The following ROBO2 variants were observed in gnomAD, a reference collection of about 807,000 sequenced individuals.
ROBO2 encodes roundabout guidance receptor 2, also known as roundabout homolog 2.
In ROBO2, 53 loss-of-function variants were observed where a neutral mutation model predicts 160.8. The observed-to-expected ratio is 0.33, with a 90% CI of 0.26 to 0.41. The LOEUF (loss-of-function observed/expected upper bound fraction) is 0.41, where lower values mean the gene tolerates loss of function less well. Among genes scored for constraint, ROBO2 ranks in the 10% least tolerant of loss-of-function variants. The pLI, the probability that ROBO2 is intolerant of heterozygous loss-of-function variation, is 1.00. For synonymous variants in ROBO2, 664 were observed against 611.7 expected (o/e 1.09, Z -1.26); for missense variants, 1,577 against 1,722.4 (o/e 0.92, Z 1.49).
intron 2 of ROBO2, among the ~76,000 whole-genome samples, chr3:76,680,590 C>T (rs1455994638): frequency 1.3e-5 from 2 of 151,960 alleles, no homozygotes; most frequent in Non-Finnish European, 2.9e-5. Flanking sequence ...CCTAGCTTCT[C>T]CTTTCCATAT....
At chr3:76,883,846 A>C (rs2073612786) in intron 2 of ROBO2, among the ~76,000 whole-genome samples, 1 of 152,192 alleles carries the variant, frequency 6.6e-6, no homozygotes, top group Non-Finnish European at 1.5e-5. Flanking sequence ...AGTTTTGCTT[A>C]AGAGAGTCTT....
intron 2 of ROBO2, among the ~76,000 whole-genome samples, chr3:77,378,721 C>A (rs1303013300): frequency 6.6e-6 from 1 of 152,058 alleles, no homozygotes; most frequent in Non-Finnish European, 1.5e-5. Flanking sequence ...GGTGAATTTT[C>A]TCTTGTGCCG....
intron 2 of ROBO2, among the ~76,000 whole-genome samples, chr3:76,292,175 C>T (rs1170973710): frequency 1.3e-5 from 2 of 152,128 alleles, no homozygotes; most frequent in East Asian, 3.9e-4. Flanking sequence ...CTGTCCACAG[C>T]TCTCTGCAAA....
intron 2 of ROBO2, among the ~76,000 whole-genome samples, chr3:76,898,183 C>T (rs1216183860): frequency 1.3e-5 from 2 of 152,010 alleles, no homozygotes; most frequent in African/African-American, 2.4e-5. Flanking sequence ...ATGGAAAGAC[C>T]ATAGGATAAA....
intron 1 of ROBO2, among the ~76,000 whole-genome samples, chr3:77,074,757 A>G (rs2067780285): frequency 6.6e-6 from 1 of 152,172 alleles, no homozygotes; most frequent in Non-Finnish European, 1.5e-5. Flanking sequence ...TGAATGAATG[A>G]ATGAATGAAA....
At chr3:76,103,901 A>C (rs1341121320) in intron 2 of ROBO2, among the ~76,000 whole-genome samples, 1 of 152,132 alleles carries the variant, frequency 6.6e-6, no homozygotes, top group Non-Finnish European at 1.5e-5. Context: ...GATTTCCAGG[A>C]CATACGAGCC....
At chr3:77,637,675 AT>A (rs1266210170) in intron 24 of ROBO2, among the ~76,000 whole-genome samples, 1 of 152,068 alleles carries the variant, frequency 6.6e-6, no homozygotes, top group Non-Finnish European at 1.5e-5. Flanking sequence ...AATTTTGTAT[AT>A]TTTTTCTGTT....
chr3:77,468,022 A>G (rs749889343), intron 2 of ROBO2, among the ~76,000 whole-genome samples: 13 of 152,156 alleles, frequency 8.5e-5, no homozygotes, highest in African/African-American at 1.7e-4. Flanking sequence ...CTCACATGCT[A>G]TGTTTGGACA....
intron 2 of ROBO2, among the ~76,000 whole-genome samples, chr3:76,048,625 A>G (rs2067532916): frequency 1.3e-5 from 2 of 152,158 alleles, no homozygotes; most frequent in South Asian, 4.1e-4. Context: ...AAAAAACAAT[A>G]TGGAATTATA....
intron 2 of ROBO2, among the ~76,000 whole-genome samples, chr3:76,858,140 C>T (rs1326294818): frequency 6.6e-6 from 1 of 151,674 alleles, no homozygotes; most frequent in African/African-American, 2.4e-5. Flanking sequence ...CGCTAGTACA[C>T]TCCCAGCATA....
chr3:77,273,548 T>C (rs952483220), intron 2 of ROBO2, among the ~76,000 whole-genome samples: 6 of 152,050 alleles, frequency 3.9e-5, no homozygotes, highest in African/African-American at 1.5e-4. Flanking sequence ...TTATAGCAAG[T>C]CATACAATTT....
intron 2 of ROBO2, among the ~76,000 whole-genome samples, chr3:76,987,345 G>A (rs144566202): frequency 6.6e-6 from 1 of 152,106 alleles, no homozygotes; most frequent in Non-Finnish European, 1.5e-5. Context: ...CCACACTGCC[G>A]TGTAGTGGGG....
chr3:77,386,748 G>A (rs1011783339), intron 2 of ROBO2, among the ~76,000 whole-genome samples: 1 of 151,016 alleles, frequency 6.6e-6, no homozygotes, highest in Admixed American at 6.6e-5. Flanking sequence ...GATTACAGGC[G>A]CCCACCACCA....
rs1560218842 is a variant in ROBO2 at position 77,200,310 on chromosome 3, TA to T, written c.388+101971del. On this transcript the variant is annotated intron_variant, in intron 2 of 25. Transcript: ENST00000461745. The stretch of plus-strand genomic sequence containing the variant: ...ATATATATATATATATATATATATA[TA>T]TATATATATATTTTAGTTTCTATAG... 3.8e-3 allele frequency among the ~76,000 whole-genome samples: 339 copies of T among 89,294 alleles called. 11 individuals are homozygous for T. The highest frequency in any genetic ancestry group is 0.026 in the East Asian group (76 of 2,966). The allele number at this position is 89,294 out of a possible 152,430, so 58.6% of individuals were successfully genotyped here. A position where few individuals can be genotyped will look rare whatever the true frequency, so the allele number is the denominator to read the frequency against.
chr3:76,301,648 A>G (rs1405878684), intron 2 of ROBO2, among the ~76,000 whole-genome samples: 1 of 152,042 alleles, frequency 6.6e-6, no homozygotes, highest in African/African-American at 2.4e-5. Flanking sequence ...GCTTTTAAAG[A>G]CCTGTTATCC....
At chr3:77,403,568 A>G (rs1581675278) in intron 2 of ROBO2, among the ~76,000 whole-genome samples, 1 of 131,928 alleles carries the variant, frequency 7.6e-6, no homozygotes, top group African/African-American at 2.9e-5. Context: ...CTGAATAGTT[A>G]TTTCAGTGTG....
chr3:76,117,468 C>T (rs2070523199), intron 2 of ROBO2, among the ~76,000 whole-genome samples: 1 of 151,784 alleles, frequency 6.6e-6, no homozygotes, highest in African/African-American at 2.4e-5. Flanking sequence ...TATGAGACAC[C>T]AAGTTTAACA....
intron 2 of ROBO2, among the ~76,000 whole-genome samples, chr3:76,329,551 A>T (rs2108005909): frequency 6.6e-6 from 1 of 152,244 alleles, no homozygotes; most frequent in African/African-American, 2.4e-5. Flanking sequence ...GATACTTAGA[A>T]TTTCCTTCCG....
At position 76,233,783 on chromosome 3, in the gene ROBO2, G is replaced by A. The variant is rs145279992; in HGVS notation, c.109+296181G>A. On this transcript the variant is annotated intron_variant, in intron 2 of 26. Transcript: ENST00000487694. ...GTTTAGATTCAAACAATTCATAAAC[G>A]TACACTCTTTTAGTTTACTTTTTTG... Among the ~76,000 whole-genome samples the A allele has an allele frequency of 2.1e-4, 32 of 152,116 alleles. 1 individual carries two copies. Among genetic ancestry groups the A allele is most frequent in the Non-Finnish European group, 2.6e-4 (18 of 67,990 alleles).
Sources: allele counts gnomAD v4.1 joint callset (sites outside exome capture counted in the v4.1 genomes callset), GRCh38; gene constraint gnomAD v4.1.1; transcripts MANE v1.5; gene names NCBI Gene and HGNC (gene_info 2026-07-23, HGNC 2026-07-21).